RBMS3: variants seen among roughly 807,000 people sequenced by gnomAD.
The protein encoded by RBMS3 is RNA-binding motif, single-stranded-interacting protein 3.
In RBMS3, 27 loss-of-function variants were observed where a neutral mutation model predicts 66.8. The ratio of observed to expected loss-of-function variants is 0.40; its 90% CI spans 0.30 to 0.56. The LOEUF is 0.56. Among genes scored for constraint, RBMS3 ranks in the 20% least tolerant of loss-of-function variants. The probability of loss-of-function intolerance (pLI) is 0.40; values close to 1 mark genes in which losing one functional copy is unlikely to be tolerated. For missense variants in RBMS3, 513 were observed against 549.5 expected (o/e 0.93, Z 0.66); for synonymous variants, 188 against 183.0 (o/e 1.03, Z -0.22).
chr3:29,436,118 T>C (rs1362197813), intron 2 of RBMS3, among the ~76,000 whole-genome samples: 1 of 152,272 alleles, frequency 6.6e-6, no homozygotes, highest in Non-Finnish European at 1.5e-5. Context: ...TACTCAATTG[T>C]TATTTTTCTC....
intron 1 of RBMS3, among the ~76,000 whole-genome samples, chr3:29,433,875 T>C (rs1320101227): frequency 6.6e-6 from 1 of 152,154 alleles, no homozygotes; most frequent in Non-Finnish European, 1.5e-5. Flanking sequence ...AAACAGCGGT[T>C]CTCCCAGGGG....
intron 3 of RBMS3, among the ~76,000 whole-genome samples, chr3:29,578,343 AT>A (rs2047194410): frequency 6.6e-6 from 1 of 152,068 alleles, no homozygotes; most frequent in African/African-American, 2.4e-5. Flanking sequence ...GTTACTCTCG[AT>A]TGTGCATATA....
rs886929007 is a variant in RBMS3, at chr3:29,597,772, C to A, written c.399+10567C>A. Among the ~76,000 whole-genome samples the A allele has an allele frequency of 6.6e-5, 10 of 151,848 alleles. 1 individual carries two copies. ...TCACTTTTCTGTGAAAGGACATTAG[C>A]AATATCATACCTTTCTATAAAGGAA... is the stretch of plus-strand genomic sequence containing the variant. On this transcript the variant is annotated intron_variant, in intron 4 of 14. Coordinates refer to ENST00000383767, the MANE Select transcript of RBMS3 (RefSeq NM_001003793.3).
intron 2 of RBMS3, among the ~76,000 whole-genome samples, chr3:29,485,036 C>T (rs2043270377): frequency 6.6e-6 from 1 of 152,080 alleles, no homozygotes. Context: ...TGAAGGATCC[C>T]ACCAATTTGA....
intron 3 of RBMS3, among the ~76,000 whole-genome samples, chr3:29,565,354 G>T (rs34293619): frequency 0.099 from 15,071 of 152,124 alleles, 762 homozygotes; most frequent in South Asian, 0.15. Context: ...ATTTTTGTGT[G>T]TTTGAAAACA....
intron 1 of RBMS3, among the ~76,000 whole-genome samples, chr3:29,348,538 C>T (rs916424015): frequency 1.3e-5 from 2 of 149,464 alleles, no homozygotes; most frequent in Non-Finnish European, 3.0e-5. Context: ...GACTTAAGGC[C>T]GTGAGAAATT....
intron 4 of RBMS3, among the ~76,000 whole-genome samples, chr3:29,715,138 G>A (rs1005800673): frequency 2.0e-5 from 3 of 152,082 alleles, no homozygotes; most frequent in Non-Finnish European, 2.9e-5. Context: ...TGATTTCCCT[G>A]TCCTTTATGA....
chr3:29,879,998 T>C lies in RBMS3; in HGVS notation c.745-4164T>C, dbSNP rs1038237938. On this transcript the variant is annotated intron_variant, in intron 7 of 14. Transcript: ENST00000383767. ...TAATGTAATCATTTACAGTTAAGAATATCAAATAACTATCTCCTAAGTCAA... is the reference window on the plus strand; with the variant it reads ...TAATGTAATCATTTACAGTTAAGAACATCAAATAACTATCTCCTAAGTCAA... 2.6e-5 allele frequency among the ~76,000 whole-genome samples: 4 copies of C among 152,176 alleles called. No individual in the cohort carries two copies. In the East Asian group the frequency reaches 7.7e-4, roughly 29 times the overall value.
intron 3 of RBMS3, among the ~76,000 whole-genome samples, chr3:29,501,627 CTA>C (rs1459486630): frequency 1.3e-5 from 2 of 152,156 alleles, no homozygotes; most frequent in Non-Finnish European, 2.9e-5. Context: ...ACCAACATCT[CTA>C]TCTTTTGTTT....
intron 3 of RBMS3, among the ~76,000 whole-genome samples, chr3:29,532,237 C>CATACATATATAT (rs2045380447): frequency 1.1e-5 from 1 of 92,138 alleles, no homozygotes; most frequent in African/African-American, 6.3e-5. Flanking sequence ...TTTAATTTCG[C>CATACATATATAT]ATATATATGT....
intron 12 of RBMS3, among the ~76,000 whole-genome samples, chr3:29,976,427 G>A (rs1007516833): frequency 1.1e-4 from 17 of 152,088 alleles, no homozygotes; most frequent in Admixed American, 3.9e-4. Context: ...TAAGCAAATA[G>A]CCTCCTTTAT....
chr3:29,489,689 T>C (rs2043455210), intron 3 of RBMS3, among the ~76,000 whole-genome samples: 1 of 147,624 alleles, frequency 6.8e-6, no homozygotes, highest in South Asian at 2.2e-4. Context: ...GACAGGTGGA[T>C]GTTCAGGAGA....
chr3:29,664,308 T>G (rs1403884651), intron 4 of RBMS3, among the ~76,000 whole-genome samples: 1 of 152,052 alleles, frequency 6.6e-6, no homozygotes, highest in African/African-American at 2.4e-5. Context: ...GCCAACATGG[T>G]GAAACCCTAT....
At chr3:29,319,286 T>A (rs761415769) in intron 1 of RBMS3, among the ~76,000 whole-genome samples, 26 of 151,984 alleles carry the variant, frequency 1.7e-4, no homozygotes, top group Non-Finnish European at 3.2e-4. Context: ...TCTATGGGGT[T>A]TGGGATATGA....
chr3:30,002,474 A>G (rs1471676683), intron 14 of RBMS3, among the ~76,000 whole-genome samples: 1 of 152,048 alleles, frequency 6.6e-6, no homozygotes, highest in Non-Finnish European at 1.5e-5. Context: ...ACATAAATGG[A>G]GTAAGTCTAT....
chr3:29,574,706 T>G (rs1468118356), intron 3 of RBMS3, among the ~76,000 whole-genome samples: 7 of 151,844 alleles, frequency 4.6e-5, no homozygotes. Flanking sequence ...AATTTCTTGC[T>G]TTTTATTTTT....
intron 4 of RBMS3, among the ~76,000 whole-genome samples, chr3:29,648,470 G>A (rs528095616): frequency 6.6e-6 from 1 of 151,348 alleles, no homozygotes; most frequent in African/African-American, 2.4e-5. Context: ...ACAGGGTTTT[G>A]CCATGTTGCC....
chr3:29,298,827 A>G (rs1021700422), intron 1 of RBMS3, among the ~76,000 whole-genome samples: 4 of 151,984 alleles, frequency 2.6e-5, no homozygotes, highest in African/African-American at 9.7e-5. Flanking sequence ...TATAGTTACT[A>G]ATATTTGAGT....
intron 4 of RBMS3, among the ~76,000 whole-genome samples, chr3:29,630,967 A>C (rs2049262314): frequency 6.6e-6 from 1 of 151,838 alleles, no homozygotes; most frequent in South Asian, 2.1e-4. Flanking sequence ...CTTCACTCTT[A>C]TTTCAGAGCT....
Sources: allele counts gnomAD v4.1 joint callset (sites outside exome capture counted in the v4.1 genomes callset), GRCh38; gene constraint gnomAD v4.1.1; transcripts MANE v1.5; gene names NCBI Gene and HGNC (gene_info 2026-07-23, HGNC 2026-07-21).